TAFA2: variants seen among roughly 807,000 people sequenced by gnomAD.
TAFA2 encodes TAFA chemokine like family member 2.
A neutral mutation model predicts 18.8 loss-of-function variants in TAFA2; 7 were observed. That is an observed-to-expected ratio of 0.37 (90% CI 0.21 to 0.70). The LOEUF (loss-of-function observed/expected upper bound fraction) is 0.70, where lower values mean the gene tolerates loss of function less well. TAFA2 is among the 30% of genes least tolerant of loss of function. The probability of loss-of-function intolerance (pLI) is 0.53; values close to 1 mark genes in which losing one functional copy is unlikely to be tolerated. For missense variants in TAFA2, 122 were observed against 158.1 expected (o/e 0.77, Z 1.23); for synonymous variants, 60 against 54.2 (o/e 1.11, Z -0.47).
At chr12:62,196,620 T>G (rs1315584338), upstream of TAFA2, among the ~76,000 whole-genome samples, 1 of 152,188 alleles carries the variant, frequency 6.6e-6, no homozygotes, top group Non-Finnish European at 1.5e-5. Context: ...ACAACATTTA[T>G]TAATTAAGTT....
chr12:61,806,282 G>T (rs1221287758), intron 2 of TAFA2, among the ~76,000 whole-genome samples: 2 of 152,104 alleles, frequency 1.3e-5, no homozygotes, highest in African/African-American at 4.8e-5. Flanking sequence ...TACTCTTCTT[G>T]TGATAACTAA....
intron 1 of TAFA2, among the ~76,000 whole-genome samples, chr12:62,186,081 C>T (rs527957085): frequency 1.3e-5 from 2 of 152,122 alleles, no homozygotes; most frequent in Non-Finnish European, 2.9e-5. Context: ...CTAGTGCCCA[C>T]TATAATTTAT....
intron 4 of TAFA2, among the ~76,000 whole-genome samples, chr12:61,730,872 C>T (rs141311294): frequency 6.6e-6 from 1 of 152,248 alleles, no homozygotes; most frequent in African/African-American, 2.4e-5. Context: ...GGATTTCAGG[C>T]TTTGCCCCTC....
intron 2 of TAFA2, among the ~76,000 whole-genome samples, chr12:61,801,029 C>A (rs968357961): frequency 1.3e-5 from 2 of 152,024 alleles, no homozygotes; most frequent in Non-Finnish European, 2.9e-5. Context: ...TCTCATTTTA[C>A]AATAGCTACA....
chr12:62,109,671 T>C (rs1869631193), intron 1 of TAFA2, among the ~76,000 whole-genome samples: 1 of 152,222 alleles, frequency 6.6e-6, no homozygotes, highest in African/African-American at 2.4e-5. Context: ...TGGTTTGTAG[T>C]TCTCCTCAAA....
At chr12:61,903,523 C>T (rs1169339007) in intron 1 of TAFA2, among the ~76,000 whole-genome samples, 1 of 152,142 alleles carries the variant, frequency 6.6e-6, no homozygotes, top group Non-Finnish European at 1.5e-5. Context: ...TTTCTGTCGT[C>T]TTCACCACTG....
At chr12:62,199,603 T>C (rs192051217) in intron 1 of TAFA2, among the ~76,000 whole-genome samples, 1 of 152,194 alleles carries the variant, frequency 6.6e-6, no homozygotes. Flanking sequence ...TGTATATATA[T>C]ATATATGTAT....
At chr12:62,040,745 G>A (rs1182903406) in intron 1 of TAFA2, among the ~76,000 whole-genome samples, 4 of 152,076 alleles carry the variant, frequency 2.6e-5, no homozygotes, top group Admixed American at 6.5e-5. Context: ...AATATTTACA[G>A]GAACAAAACG....
intron 4 of TAFA2, among the ~76,000 whole-genome samples, chr12:61,730,338 T>C (rs1391532671): frequency 1.3e-5 from 2 of 152,062 alleles, no homozygotes; most frequent in Non-Finnish European, 2.9e-5. Context: ...TATCTTGAGT[T>C]AGTTGGCATC....
chr12:62,040,949 T>A (rs1267698519), intron 1 of TAFA2, among the ~76,000 whole-genome samples: 2 of 152,146 alleles, frequency 1.3e-5, no homozygotes, highest in Non-Finnish European at 2.9e-5. Flanking sequence ...GATTAGGAAA[T>A]CTCAAAATAT....
intron 1 of TAFA2, among the ~76,000 whole-genome samples, chr12:62,060,211 C>T (rs1882307643): frequency 6.6e-6 from 1 of 152,206 alleles, no homozygotes; most frequent in South Asian, 2.1e-4. Context: ...CCAAGAAATA[C>T]AAGCTTCTAC....
rs189266861 is a variant in TAFA2 at position 62,137,268 on chromosome 12, G to A, written c.-2+53991C>T. On this transcript the variant is annotated intron_variant, in intron 1 of 4. Transcript: ENST00000416284. ...TGTAAATGATCATATATAAGCTAATGAGGAATTGAAGGAAAGTAATATTTA... is the reference window on the plus strand; with the variant it reads ...TGTAAATGATCATATATAAGCTAATAAGGAATTGAAGGAAAGTAATATTTA... 4.0e-3 allele frequency among the ~76,000 whole-genome samples: 602 copies of A among 152,260 alleles called. 7 individuals carry two copies. The highest frequency in any genetic ancestry group is 4.9e-3 in the Non-Finnish European group (332 of 68,022).
At chr12:61,802,233 A>G (rs990977409) in intron 2 of TAFA2, among the ~76,000 whole-genome samples, 22 of 152,060 alleles carry the variant, frequency 1.4e-4, no homozygotes, top group African/African-American at 1.4e-4. Flanking sequence ...GAGCTACCAT[A>G]TGATCCAGCA....
chr12:62,134,053 G>A (rs1304799117), intron 1 of TAFA2, among the ~76,000 whole-genome samples: 1 of 151,760 alleles, frequency 6.6e-6, no homozygotes, highest in East Asian at 1.9e-4. Flanking sequence ...CTGAGGCATG[G>A]CCTCTGCAAA....
intron 4 of TAFA2, chr12:61,720,794 G>A (rs1027832220): frequency 1.8e-5 from 8 of 433,970 alleles, no homozygotes; most frequent in South Asian, 6.7e-5. Context: ...ACTAGGATTC[G>A]CCACAACTAG....
intron 2 of TAFA2, among the ~76,000 whole-genome samples, chr12:61,812,813 A>G (rs1320884020): frequency 2.6e-5 from 4 of 151,016 alleles, no homozygotes; most frequent in Non-Finnish European, 5.9e-5. Flanking sequence ...CAGGTGATCC[A>G]CCCACCTCAG....
At chr12:62,101,125 T>C (rs565873348) in intron 1 of TAFA2, among the ~76,000 whole-genome samples, 2 of 151,822 alleles carry the variant, frequency 1.3e-5, no homozygotes, top group Non-Finnish European at 2.9e-5. Context: ...TTCTCAAGAG[T>C]GCCCCAGAAT....
chr12:62,094,852 A>C (rs1310262753), intron 1 of TAFA2, among the ~76,000 whole-genome samples: 9 of 152,060 alleles, frequency 5.9e-5, no homozygotes, highest in Admixed American at 3.3e-4. Context: ...GAACTACTGC[A>C]CTCCATTCTG....
At chr12:61,738,322 CACACACAA>C (rs1017964703) in intron 4 of TAFA2, among the ~76,000 whole-genome samples, 3 of 147,330 alleles carry the variant, frequency 2.0e-5, no homozygotes, top group African/African-American at 7.4e-5. Flanking sequence ...CACACACACA[CACACACAA>C]ACCTAGCTCA....
Sources: gnomAD v4.1 joint callset for allele counts (sites outside exome capture counted in the v4.1 genomes callset) on GRCh38, gnomAD v4.1.1 for gene constraint, MANE v1.5 for transcripts, NCBI Gene and HGNC (gene_info 2026-07-23, HGNC 2026-07-21) for gene names.